Variants in ADCY1 observed in about 807,000 individuals in gnomAD.
ADCY1 encodes adenylate cyclase 1.
In ADCY1, 28 loss-of-function variants were observed where a neutral mutation model predicts 105.4. That is an observed-to-expected ratio of 0.27 (90% CI 0.20 to 0.36). The LOEUF (loss-of-function observed/expected upper bound fraction) is 0.36. Ranked by LOEUF, ADCY1 falls within the 10% of genes least tolerant of loss-of-function variation. ADCY1 has a pLI of 1.00. For missense variants in ADCY1, 977 were observed against 1,434.2 expected, an observed-to-expected ratio of 0.68 and a Z score of 5.15; for synonymous variants, 655 against 623.8, an observed-to-expected ratio of 1.05 and a Z score of -0.75.
Position 45,714,006 on chromosome 7 carries a change from G to A in ADCY1, c.*11G>A, listed in dbSNP as rs78072512. ...GGGAAGGAGGCTTAGTGGAGCCCAC[G>A]TGGGCCTCTGGGGTGCACATGGGGT... On this transcript the variant is annotated 3_prime_UTR_variant, in exon 20 of 20. Coordinates refer to ENST00000297323, the MANE Select transcript of ADCY1 (RefSeq NM_021116.4). 3.3e-3 allele frequency: 2,512 copies of A among 769,054 alleles called. 44 individuals carry two copies. The African/African-American group carries it at 0.038, about 12-fold the overall frequency. The allele number at this position is 769,054 out of a possible 1,614,324, so 47.6% of individuals were successfully genotyped here.
chr7:45,630,781 A>G (rs1477609636), intron 4 of ADCY1, among the ~76,000 whole-genome samples: 2 of 152,062 alleles, frequency 1.3e-5, no homozygotes, highest in Non-Finnish European at 2.9e-5. Flanking sequence ...CTATTTTAAG[A>G]TCCTTAATTT....
chr7:45,611,009 G>GAAGCA (rs1793568592), intron 3 of ADCY1, among the ~76,000 whole-genome samples: 1 of 143,184 alleles, frequency 7.0e-6, no homozygotes, highest in Non-Finnish European at 1.5e-5. Flanking sequence ...GGAGGTGGTG[G>GAAGCA]TGGAGGTGTG....
intron 1 of ADCY1, among the ~76,000 whole-genome samples, chr7:45,583,631 G>T (rs1792628240): frequency 6.6e-6 from 1 of 152,052 alleles, no homozygotes; most frequent in Admixed American, 6.5e-5. Flanking sequence ...TGGCCACCTG[G>T]TGTTCTTTTC....
chr7:45,714,190 C>T lies in ADCY1; in HGVS notation c.*195C>T. On this transcript the variant is annotated 3_prime_UTR_variant, in exon 20 of 20. Coordinates refer to ENST00000297323, the MANE Select transcript of ADCY1 (RefSeq NM_021116.4). Reference sequence around the variant, plus strand: ...CCGAGCAGGCACAGCACAGCAGTGACTCGGTGAGGGGAGGACACCCGACTG... The same window carrying T: ...CCGAGCAGGCACAGCACAGCAGTGATTCGGTGAGGGGAGGACACCCGACTG... 1.7e-6 allele frequency: 1 copy of T among 589,304 alleles called. No individual in the cohort carries two copies. The highest frequency in any genetic ancestry group is 1.9e-5 in the African/African-American group (1 of 53,856). 36.5% of individuals were successfully genotyped at this position (589,304 alleles called of 1,614,324 possible).
chr7:45,584,997 T>G (rs1428962597), intron 1 of ADCY1, among the ~76,000 whole-genome samples: 1 of 152,224 alleles, frequency 6.6e-6, no homozygotes, highest in Non-Finnish European at 1.5e-5. Context: ...CAGTGAGCAT[T>G]CTGGTTGGTC....
At chr7:45,667,040 A>G (rs1295741461) in intron 8 of ADCY1, among the ~76,000 whole-genome samples, 24 of 152,198 alleles carry the variant, frequency 1.6e-4, no homozygotes, top group Non-Finnish European at 2.6e-4. Context: ...CCTTTGTCAG[A>G]TGAGTAGATT....
rs1200588907 is a variant in ADCY1, at chr7:45,685,940, C to T, written c.2074-22C>T. 3 of 1,604,744 alleles carry T rather than the reference C, an allele frequency of 1.9e-6. No individual in the cohort carries two copies. In the South Asian group the frequency reaches 3.3e-5, roughly 18 times the overall value. ...GTCTTCACCTGCCCTTTGCTAAGCC[C>T]CTGTGACCCCTCCCTTCCCAGGTGG... On this transcript the variant is annotated intron_variant, in intron 12 of 19. Transcript: ENST00000297323.
At chr7:45,626,324 G>A (rs1297946599) in intron 4 of ADCY1, among the ~76,000 whole-genome samples, 1 of 152,160 alleles carries the variant, frequency 6.6e-6, no homozygotes, top group African/African-American at 2.4e-5. Context: ...ACATCCATAC[G>A]CCCTGTGTTT....
chr7:45,674,411 A>G (rs562867433), intron 8 of ADCY1, among the ~76,000 whole-genome samples: 57 of 152,174 alleles, frequency 3.7e-4, no homozygotes, highest in African/African-American at 1.4e-3. Flanking sequence ...CGGAATCTCT[A>G]TCACCCAGGA....
chr7:45,697,154 T>G (rs1483429335), intron 14 of ADCY1, among the ~76,000 whole-genome samples: 1 of 152,142 alleles, frequency 6.6e-6, no homozygotes, highest in East Asian at 1.9e-4. Context: ...CATTTTATAT[T>G]GGTATAAGTG....
chr7:45,700,788 G>A (rs988266050), intron 14 of ADCY1, among the ~76,000 whole-genome samples: 3 of 152,188 alleles, frequency 2.0e-5, no homozygotes, highest in Admixed American at 6.5e-5. Context: ...TAGTAAACAC[G>A]TTGTTGATTC....
intron 14 of ADCY1, among the ~76,000 whole-genome samples, chr7:45,700,875 C>T (rs1184570135): frequency 6.6e-6 from 1 of 152,172 alleles, no homozygotes; most frequent in Non-Finnish European, 1.5e-5. Context: ...TAGCACATGT[C>T]GGCACACAGG....
chr7:45,582,992 G>C (rs1039286622), intron 1 of ADCY1, among the ~76,000 whole-genome samples: 1 of 152,220 alleles, frequency 6.6e-6, no homozygotes, highest in Non-Finnish European at 1.5e-5. Context: ...TTTAGTGTTC[G>C]CTCTGCCTTC....
chr7:45,688,299 A>G (rs1191050433), intron 14 of ADCY1, among the ~76,000 whole-genome samples: 4 of 152,204 alleles, frequency 2.6e-5, no homozygotes, highest in Non-Finnish European at 5.9e-5. Context: ...CTGAAATTCT[A>G]TTCCTGATGT....
intron 2 of ADCY1, among the ~76,000 whole-genome samples, chr7:45,594,152 T>C (rs1275319464): frequency 3.9e-5 from 6 of 152,178 alleles, no homozygotes; most frequent in African/African-American, 1.2e-4. Flanking sequence ...TGTGTTTGCG[T>C]GGGCATGCCT....
intron 2 of ADCY1, among the ~76,000 whole-genome samples, chr7:45,603,009 G>A (rs562387433): frequency 1.3e-5 from 2 of 152,212 alleles, no homozygotes; most frequent in Middle Eastern, 6.8e-3. Flanking sequence ...TTTACTTTCT[G>A]TCTCCATAGA....
In ADCY1 at chr7:45,712,605, G is replaced by A. The variant is rs990258515; in HGVS notation, c.3058-1088G>A. 2.0e-5 allele frequency among the ~76,000 whole-genome samples: 3 copies of A among 151,864 alleles called. No homozygotes were observed. The East Asian group carries it at 5.8e-4, about 30-fold the overall frequency. On this transcript the variant is annotated intron_variant, in intron 19 of 19. Transcript: ENST00000297323. The stretch of plus-strand genomic sequence containing the variant: ...TACCACCCCTGCCACACTGACGGGG[G>A]CCAGCCTCCCCAACTCTGGGTATTA...
At chr7:45,709,430 G>A (rs905778202) in intron 18 of ADCY1, among the ~76,000 whole-genome samples, 6 of 152,206 alleles carry the variant, frequency 3.9e-5, no homozygotes, top group African/African-American at 1.2e-4. Context: ...CCATCAGGCC[G>A]GTGCTAGCCT....
chr7:45,601,989 A>G (rs1793251449), intron 2 of ADCY1, among the ~76,000 whole-genome samples: 3 of 152,110 alleles, frequency 2.0e-5, no homozygotes, highest in South Asian at 4.2e-4. Context: ...CCAGGGCTTC[A>G]GGAGGTGGCC....
Sources: allele counts gnomAD v4.1 joint callset (sites outside exome capture counted in the v4.1 genomes callset), GRCh38; gene constraint gnomAD v4.1.1; transcripts MANE v1.5; gene names NCBI Gene and HGNC (gene_info 2026-07-23, HGNC 2026-07-21).